DCHS2: variants seen among roughly 807,000 people sequenced by gnomAD.
The protein encoded by DCHS2 is protocadherin-23.
Under a neutral mutation model 182.4 loss-of-function variants are expected in DCHS2, and 142 were observed. The ratio of observed to expected loss-of-function variants is 0.78; its 90% CI spans 0.68 to 0.89. DCHS2 has a LOEUF of 0.89. DCHS2 is among the 40% of genes least tolerant of loss of function. DCHS2 has a pLI of 0.00. For missense variants in DCHS2, 4,319 were observed against 4,198.6 expected, an observed-to-expected ratio of 1.03 and a Z score of -0.79; for synonymous variants, 1,740 against 1,663.3, an observed-to-expected ratio of 1.05 and a Z score of -1.12.
rs761580041 is a variant in DCHS2 at position 154,237,016 on chromosome 4, C to A, written c.7636G>T (p.Ala2546Ser). ...EIGIEDMNNYAPEFTVKSYNL... is the reference protein window; with the variant it reads ...EIGIEDMNNYSPEFTVKSYNL... ...TAGGATTTGACTGTGAATTCAGGGG[C>A]ATAATTGTTCATATCTTCTATTCCT... Residue 2546 changes from alanine (A) to serine (S), a missense_variant, in exon 20 of 20, where the codon GCC (alanine) becomes TCC (serine). Transcript: ENST00000357232. The A allele has an allele frequency of 3.7e-6, 6 of 1,613,958 alleles. No homozygotes were observed. The highest frequency in any genetic ancestry group is 2.2e-5 in the South Asian group (2 of 91,062).
intron 10 of DCHS2, among the ~76,000 whole-genome samples, chr4:154,306,920 TCTGA>T (rs1485512662): frequency 6.6e-6 from 1 of 152,172 alleles, no homozygotes; most frequent in African/African-American, 2.4e-5. Context: ...TCAATATTTC[TCTGA>T]CTTTTTAGAA....
intron 8 of DCHS2, among the ~76,000 whole-genome samples, chr4:154,322,033 C>A (rs1370460993): frequency 1.3e-5 from 2 of 152,048 alleles, no homozygotes; most frequent in Non-Finnish European, 2.9e-5. Context: ...GAAATAAGCA[C>A]AAGAAAAGAT....
chr4:154,343,520 A>T lies in DCHS2; in HGVS notation c.2477-8416T>A, dbSNP rs1248968699. 2.0e-6 allele frequency: 3 copies of T among 1,514,418 alleles called. No individual in the cohort carries two copies. The Admixed American group carries it at 6.1e-5, about 31-fold the overall frequency. The allele number at this position is 1,514,418 out of a possible 1,614,324, so 93.8% of individuals were successfully genotyped here. On this transcript the variant is annotated intron_variant, in intron 3 of 19. Coordinates refer to ENST00000357232, the MANE Select transcript of DCHS2 (RefSeq NM_001358235.2). ...CTACATACCTTGCTGCAGCTTCTCC[A>T]TCAGCACTTGCTGCTTCATCTTGCA...
chr4:154,306,965 T>C (rs1735461895), intron 10 of DCHS2, among the ~76,000 whole-genome samples: 1 of 152,178 alleles, frequency 6.6e-6, no homozygotes, highest in African/African-American at 2.4e-5. Flanking sequence ...TCTATTATTC[T>C]ATACAGGTTT....
In DCHS2 at chr4:154,321,000, G is replaced by C. The variant is rs1414141128; in HGVS notation, c.4399C>G (p.Leu1467Val). The C allele has an allele frequency of 1.9e-6, 3 of 1,613,886 alleles. No homozygotes were observed. The African/African-American group carries it at 4.0e-5, about 22-fold the overall frequency. ...STGDLFLSKELDYETTSHYLF... is the reference protein window; with the variant it reads ...STGDLFLSKEVDYETTSHYLF... ...TAATGAGATGTCGTCTCATAATCAAGTTCCTTAGAAAGAAACAAGTCTCCG... is the reference window on the plus strand; with the variant it reads ...TAATGAGATGTCGTCTCATAATCAACTTCCTTAGAAAGAAACAAGTCTCCG... The change falls in exon 9 of 20, where the codon CTT (leucine) becomes GTT (valine). Residue 1467 changes from leucine to valine, a missense_variant. Transcript: ENST00000357232.
intron 1 of DCHS2, among the ~76,000 whole-genome samples, chr4:154,431,488 C>T (rs1733557899): frequency 6.6e-6 from 1 of 151,874 alleles, no homozygotes; most frequent in Admixed American, 6.6e-5. Flanking sequence ...TAGTCATCTT[C>T]TTTTATATTT....
intron 3 of DCHS2, among the ~76,000 whole-genome samples, chr4:154,354,240 T>C (rs1468823152): frequency 1.3e-5 from 2 of 152,224 alleles, no homozygotes; most frequent in African/African-American, 4.8e-5. Context: ...GATAATTTAA[T>C]GTATTCTTTC....
In DCHS2 at chr4:154,274,866, A is replaced by C. The variant is rs937625585; in HGVS notation, c.6464-4853T>G. 5.3e-5 allele frequency among the ~76,000 whole-genome samples: 8 copies of C among 151,982 alleles called. No homozygotes were observed. The East Asian group carries it at 1.5e-3, about 29-fold the overall frequency. On this transcript the variant is annotated intron_variant, in intron 13 of 19. Coordinates refer to ENST00000357232, the MANE Select transcript of DCHS2 (RefSeq NM_001358235.2). The stretch of plus-strand genomic sequence containing the variant: ...TCACTGCTATAATACCATATCTGAT[A>C]GTGAGATTTGCAGTAGTTAGAAAAA...
intron 1 of DCHS2, among the ~76,000 whole-genome samples, chr4:154,434,791 C>A (rs1373425011): frequency 6.6e-6 from 1 of 152,140 alleles, no homozygotes; most frequent in South Asian, 2.1e-4. Context: ...GGTCTTCTTT[C>A]CCCATAATTT....
chr4:154,471,678 G>A lies in DCHS2; in HGVS notation c.2052+17626C>T, dbSNP rs112494392. 5.6e-3 allele frequency among the ~76,000 whole-genome samples: 859 copies of A among 152,082 alleles called. 4 individuals are homozygous for A. Among genetic ancestry groups the A allele is most frequent in the African/African-American group, 0.018 (761 of 41,468 alleles). ...CTCTGCCATCCTCAAAACTAAAGTC[G>A]CATTATGGTCACGTGCAGAGCATTT... On this transcript the variant is annotated intron_variant, in intron 1 of 19. Transcript: ENST00000357232.
chr4:154,368,536 G>A (rs1269715855), intron 2 of DCHS2, among the ~76,000 whole-genome samples: 2 of 146,264 alleles, frequency 1.4e-5, no homozygotes. Context: ...TTTTTTTTGA[G>A]ATGGAGTTTC....
At chr4:154,433,674 A>G (rs1295750003) in intron 1 of DCHS2, among the ~76,000 whole-genome samples, 1 of 152,120 alleles carries the variant, frequency 6.6e-6, no homozygotes, top group Non-Finnish European at 1.5e-5. Context: ...GATTACAGGC[A>G]TGAATCACTG....
intron 14 of DCHS2, chr4:154,269,204 G>A (rs1733448795): frequency 1.3e-5 from 2 of 152,082 alleles, no homozygotes; most frequent in African/African-American, 4.8e-5. Context: ...TTTACCTAAG[G>A]AATTACCCGC....
intron 12 of DCHS2, among the ~76,000 whole-genome samples, chr4:154,301,561 A>T (rs1441199830): frequency 6.6e-6 from 1 of 152,012 alleles, no homozygotes; most frequent in Non-Finnish European, 1.5e-5. Context: ...GCTGGAGTGC[A>T]ATGGCGCAAT....
At chr4:154,457,672 C>T (rs1048844244) in intron 1 of DCHS2, among the ~76,000 whole-genome samples, 1 of 152,144 alleles carries the variant, frequency 6.6e-6, no homozygotes, top group African/African-American at 2.4e-5. Context: ...TGGCTTATAA[C>T]AGGGTGAGCT....
intron 1 of DCHS2, among the ~76,000 whole-genome samples, chr4:154,377,862 G>A (rs1579024736): frequency 6.6e-6 from 1 of 152,184 alleles, no homozygotes; most frequent in East Asian, 1.9e-4. Flanking sequence ...CAAGTGATAG[G>A]CTTGATGCCC....
rs904591007 is a variant in DCHS2 at position 154,263,223 on chromosome 4, A to G, written c.6578-3467T>C. Among the ~76,000 whole-genome samples the G allele has an allele frequency of 3.3e-5, 5 of 152,160 alleles. No homozygotes were observed. In the East Asian group the frequency reaches 7.7e-4, roughly 23 times the overall value. ...AACCTATACAATTAGATACAATTTT[A>G]ATGATAATTTGTCAAAGGTAGCATA... On this transcript the variant is annotated intron_variant, in intron 14 of 19. Coordinates refer to ENST00000357232, the MANE Select transcript of DCHS2 (RefSeq NM_001358235.2).
intron 1 of DCHS2, among the ~76,000 whole-genome samples, chr4:154,392,938 A>G (rs1731772946): frequency 6.6e-6 from 1 of 152,198 alleles, no homozygotes; most frequent in Admixed American, 6.5e-5. Flanking sequence ...ATACATGTGC[A>G]TAATCTTGCA....
intron 9 of DCHS2, among the ~76,000 whole-genome samples, chr4:154,317,300 C>A (rs1036906787): frequency 2.0e-5 from 3 of 152,206 alleles, no homozygotes; most frequent in Non-Finnish European, 4.4e-5. Flanking sequence ...ATATACCTTT[C>A]TTAGCCATCT....
Sources: gnomAD v4.1 joint callset for allele counts (sites outside exome capture counted in the v4.1 genomes callset) on GRCh38, gnomAD v4.1.1 for gene constraint, MANE v1.5 for transcripts, NCBI Gene and HGNC (gene_info 2026-07-23, HGNC 2026-07-21) for gene names.